The following RIC3 variants were observed in gnomAD, a reference collection of about 807,000 sequenced individuals.
RIC3 encodes protein RIC-3.
A neutral mutation model predicts 27.3 loss-of-function variants in RIC3; 28 were observed. The ratio of observed to expected loss-of-function variants is 1.02; its 90% CI spans 0.76 to 1.41. The LOEUF (loss-of-function observed/expected upper bound fraction) is 1.41, where lower values mean the gene tolerates loss of function less well. Ranked by LOEUF, RIC3 falls within the 40% of genes most tolerant of loss-of-function variation. RIC3 has a pLI of 0.00. For synonymous variants in RIC3, 184 were observed against 160.4 expected (o/e 1.15, Z -1.11); for missense variants, 501 against 444.7 (o/e 1.13, Z -1.14).
chr11:8,151,145 T>C (rs190115989), intron 1 of RIC3, among the ~76,000 whole-genome samples: 89 of 152,352 alleles, frequency 5.8e-4, no homozygotes, highest in African/African-American at 2.0e-3. Context: ...GCAAAGTTGA[T>C]GTCATCAAAA....
chr11:8,163,065 A>C (rs1565137913), intron 1 of RIC3, among the ~76,000 whole-genome samples: 16 of 142,756 alleles, frequency 1.1e-4, no homozygotes. Flanking sequence ...ACACACACAC[A>C]CACCCCCCAA....
intron 1 of RIC3, among the ~76,000 whole-genome samples, chr11:8,147,053 A>C (rs942538940): frequency 5.3e-5 from 8 of 152,220 alleles, no homozygotes; most frequent in Non-Finnish European, 1.2e-4. Context: ...AGACAGATGC[A>C]TATCTGATTG....
rs1318214792 is a variant in RIC3 at position 8,106,259 on chromosome 11, T to C, written c.*4439A>G. 1 of 152,218 alleles carries C rather than the reference T, an allele frequency of 6.6e-6. No homozygotes were observed. The highest frequency in any genetic ancestry group is 1.9e-4 in the East Asian group (1 of 5,202). The allele number at this position is 152,218 out of a possible 1,614,324, so 9.4% of individuals were successfully genotyped here. A position where few individuals can be genotyped will look rare whatever the true frequency, so the allele number is the denominator to read the frequency against. ...CGTTTCAACACTTCTGTGTACTTTT[T>C]TCATAAAGGGGAAAAAAGCCCTGTT... is the stretch of plus-strand genomic sequence containing the variant. On this transcript the variant is annotated 3_prime_UTR_variant, in exon 6 of 6. Coordinates refer to ENST00000309737, the MANE Select transcript of RIC3 (RefSeq NM_001206671.4).
the RIC3 span, chr11:8,094,244 C>T: frequency 5.2e-6 from 8 of 1,538,634 alleles, no homozygotes; most frequent in Admixed American, 1.4e-4. Flanking sequence ...CACTGTAGGG[C>T]TGGGGAAGGT....
chr11:8,137,606 T>C, intron 3 of RIC3, 135 bp from the exon 4 acceptor site: 1 of 543,330 alleles, frequency 1.8e-6, no homozygotes, highest in East Asian at 2.9e-5. Context: ...CGCAGTTTTA[T>C]TAAAGGATTC....
chr11:8,137,358 C>T lies in RIC3; in HGVS notation c.521+20G>A. On this transcript the variant is annotated intron_variant, in intron 4 of 5. Transcript: ENST00000309737. ...TTTCTAAATGAGAAATAGTCTGAGT[C>T]CCGTTACATGAAAACCTACCTCTCA... The T allele has an allele frequency of 2.5e-6, 4 of 1,595,680 alleles. No individual in the cohort carries two copies. Among genetic ancestry groups the T allele is most frequent in the Non-Finnish European group, 3.4e-6 (4 of 1,163,706 alleles).
At chr11:8,150,462 T>C (rs1950117691) in intron 1 of RIC3, among the ~76,000 whole-genome samples, 1 of 152,192 alleles carries the variant, frequency 6.6e-6, no homozygotes, top group South Asian at 2.1e-4. Flanking sequence ...AACAACTGAA[T>C]ATACATTTTT....
chr11:8,147,831 G>T (rs1362603459), intron 1 of RIC3, among the ~76,000 whole-genome samples: 1 of 150,870 alleles, frequency 6.6e-6, no homozygotes, highest in Non-Finnish European at 1.5e-5. Context: ...TGGTTCAAGT[G>T]ATTCTCCTGC....
At chr11:8,147,777 G>C (rs1469784416) in intron 1 of RIC3, among the ~76,000 whole-genome samples, 1 of 148,842 alleles carries the variant, frequency 6.7e-6, no homozygotes, top group African/African-American at 2.5e-5. Context: ...CACCAGGCTG[G>C]AGTGCAGTGG....
chr11:8,093,076 G>C, the RIC3 span, among the ~76,000 whole-genome samples: 1 of 152,164 alleles, frequency 6.6e-6, no homozygotes, highest in Non-Finnish European at 1.5e-5. Context: ...TTACAGTCTA[G>C]GTGGAGAGAC....
the RIC3 span, chr11:8,096,801 G>A: frequency 8.9e-5 from 143 of 1,614,018 alleles, no homozygotes; most frequent in Admixed American, 4.0e-4. Flanking sequence ...CAGGAAGTCC[G>A]TCAGGGTGAG....
At chr11:8,149,365 C>T (rs1950021154) in intron 1 of RIC3, among the ~76,000 whole-genome samples, 1 of 152,024 alleles carries the variant, frequency 6.6e-6, no homozygotes, top group Non-Finnish European at 1.5e-5. Context: ...GGACTTACTA[C>T]CAAATTAGTT....
At chr11:8,162,629 C>CTTTTTTTTTTTTTT (rs757717970) in intron 1 of RIC3, among the ~76,000 whole-genome samples, 9 of 83,734 alleles carry the variant, frequency 1.1e-4, no homozygotes, top group Admixed American at 2.7e-4. Flanking sequence ...CATGCTTCTT[C>CTTTTTTTTTTTTTT]TTTTTTTTTT....
intron 1 of RIC3, among the ~76,000 whole-genome samples, chr11:8,152,766 T>A (rs1043397209): frequency 5.3e-5 from 8 of 151,998 alleles, no homozygotes; most frequent in Non-Finnish European, 1.0e-4. Flanking sequence ...TTTTTTTTTT[T>A]AAAGACAGCT....
In RIC3 at chr11:8,147,193, G is replaced by A. The variant is rs150865343; in HGVS notation, c.125-7000C>T. 1.7e-4 allele frequency among the ~76,000 whole-genome samples: 26 copies of A among 152,258 alleles called. 2 individuals are homozygous for A. In the East Asian group the frequency reaches 5.0e-3, roughly 29 times the overall value. On this transcript the variant is annotated intron_variant, in intron 1 of 5. Coordinates refer to ENST00000309737, the MANE Select transcript of RIC3 (RefSeq NM_001206671.4). ...TGCTTTAAGTTATCCCGCCTTTCCA[G>A]ACCAAACCAATGTACTTCTTACACA...
intron 4 of RIC3, among the ~76,000 whole-genome samples, chr11:8,132,731 G>T (rs904299439): frequency 7.9e-5 from 12 of 152,206 alleles, no homozygotes; most frequent in African/African-American, 2.4e-4. Context: ...TGCAGTTATG[G>T]AATATTATAT....
In RIC3 at chr11:8,110,939, T is replaced by A; in HGVS notation, c.869A>T (p.Asp290Val). Reference protein sequence around the residue: ...SLPTDPRAQEDNSVTSCDPKP... With the variant: ...SLPTDPRAQEVNSVTSCDPKP... ...TGGATCACACGAGGTAACAGAATTA[T>A]CTTCCTGGGCTCTGGGGTCAGTGGG... Residue 290 changes from aspartate to valine, a missense_variant, in exon 6 of 6, where the codon GAT becomes GTT. By Grantham distance (152) the Asp-to-Val change is radical (BLOSUM62 -3). Coordinates refer to ENST00000309737, the MANE Select transcript of RIC3 (RefSeq NM_001206671.4). 3 of 1,614,210 alleles carry A rather than the reference T, an allele frequency of 1.9e-6. No individual in the cohort carries two copies. Among genetic ancestry groups the A allele is most frequent in the Non-Finnish European group, 2.5e-6 (3 of 1,180,042 alleles).
At chr11:8,121,952 GGCACA>G (rs769183710) in intron 5 of RIC3, among the ~76,000 whole-genome samples, 1 of 152,104 alleles carries the variant, frequency 6.6e-6, no homozygotes, top group African/African-American at 2.4e-5. Context: ...ATACAAGCCA[GGCACA>G]GTGGCATGCA....
chr11:8,143,331 C>A (rs1949282762), intron 1 of RIC3, among the ~76,000 whole-genome samples: 1 of 151,630 alleles, frequency 6.6e-6, no homozygotes, highest in Admixed American at 6.6e-5. Flanking sequence ...TCAGCAAAGT[C>A]TCAGGATACA....
Sources: gnomAD v4.1 joint callset for allele counts (sites outside exome capture counted in the v4.1 genomes callset) on GRCh38, gnomAD v4.1.1 for gene constraint, MANE v1.5 for transcripts, NCBI Gene and HGNC (gene_info 2026-07-23, HGNC 2026-07-21) for gene names.